The following PPM1L variants were observed in gnomAD, a reference collection of about 807,000 sequenced individuals.
PPM1L encodes protein phosphatase 1L.
PPM1L carries 13 observed loss-of-function variants against 31.4 expected under a neutral mutation model. The ratio of observed to expected loss-of-function variants is 0.41; its 90% CI spans 0.27 to 0.66. PPM1L has a LOEUF of 0.66. Among genes scored for constraint, PPM1L ranks in the 30% least tolerant of loss-of-function variants. PPM1L has a pLI of 0.29. For synonymous variants in PPM1L, 184 were observed against 175.4 expected (o/e 1.05, Z -0.39); for missense variants, 326 against 453.7 (o/e 0.72, Z 2.56).
At chr3:160,884,873 C>G (rs1712854550) in intron 1 of PPM1L, among the ~76,000 whole-genome samples, 1 of 152,144 alleles carries the variant, frequency 6.6e-6, no homozygotes. Context: ...GTGTTAGTCC[C>G]ATGGAGGGAG....
chr3:160,938,401 G>A (rs1219609342), intron 1 of PPM1L, among the ~76,000 whole-genome samples: 1 of 152,130 alleles, frequency 6.6e-6, no homozygotes, highest in Non-Finnish European at 1.5e-5. Context: ...TAGGTTTATG[G>A]AGTTTAACCT....
At chr3:160,916,815 C>T (rs1241552753) in intron 1 of PPM1L, among the ~76,000 whole-genome samples, 1 of 151,946 alleles carries the variant, frequency 6.6e-6, no homozygotes, top group Non-Finnish European at 1.5e-5. Context: ...TGATTAAGTC[C>T]ATGGAGCTTA....
intron 1 of PPM1L, among the ~76,000 whole-genome samples, chr3:160,834,826 C>A (rs763186694): frequency 2.0e-5 from 3 of 152,048 alleles, no homozygotes; most frequent in Non-Finnish European, 4.4e-5. Context: ...TTTAACCATT[C>A]ACCTATTGAG....
At chr3:160,954,536 G>C (rs1354109274) in intron 1 of PPM1L, among the ~76,000 whole-genome samples, 1 of 151,730 alleles carries the variant, frequency 6.6e-6, no homozygotes, top group East Asian at 1.9e-4. Context: ...CTGTTTTTTT[G>C]TATTTTTAGT....
chr3:160,778,007 T>C (rs1711609861), intron 1 of PPM1L, among the ~76,000 whole-genome samples: 1 of 152,206 alleles, frequency 6.6e-6, no homozygotes, highest in Non-Finnish European at 1.5e-5. Flanking sequence ...GTTCAGTTTC[T>C]CAACATCCTT....
At chr3:160,808,392 T>TGTGTGTGTGTGTGTGCGCGCGCGC (rs1470394160) in intron 1 of PPM1L, among the ~76,000 whole-genome samples, 7 of 147,826 alleles carry the variant, frequency 4.7e-5, no homozygotes, top group East Asian at 2.0e-4. Context: ...CCTGTGTGTG[T>TGTGTGTGTGTGTGTGCGCGCGCGC]GTGTGTGTGT....
In PPM1L at chr3:161,044,346, GTATTTATT is replaced by G. The variant is rs66461506; in HGVS notation, c.575-21023_575-21016del. Among the ~76,000 whole-genome samples the G allele has an allele frequency of 6.5e-3, 927 of 143,320 alleles. 8 individuals carry two copies. Among genetic ancestry groups the G allele is most frequent in the East Asian group, 0.023 (110 of 4,874 alleles). 94.0% of individuals were successfully genotyped at this position (143,320 alleles called of 152,430 possible). The stretch of plus-strand genomic sequence containing the variant: ...TGAGCCACTGCACCTGGCCTGCCCT[GTATTTATT>G]TATTTATTTATTTATTTATTTATTT... On this transcript the variant is annotated intron_variant, in intron 2 of 3. Transcript: ENST00000498165.
chr3:160,952,281 G>A (rs1394961857), intron 1 of PPM1L, among the ~76,000 whole-genome samples: 1 of 152,228 alleles, frequency 6.6e-6, no homozygotes, highest in African/African-American at 2.4e-5. Context: ...CCGTAAGAAA[G>A]ATGGATTCCA....
intron 1 of PPM1L, among the ~76,000 whole-genome samples, chr3:160,872,743 A>G (rs1480535704): frequency 3.3e-5 from 5 of 151,940 alleles, no homozygotes; most frequent in Admixed American, 3.3e-4. Context: ...TGGCCAACAT[A>G]GTGAAACCCT....
intron 2 of PPM1L, among the ~76,000 whole-genome samples, chr3:161,029,450 C>T (rs951166812): frequency 1.3e-5 from 2 of 152,162 alleles, no homozygotes; most frequent in Non-Finnish European, 2.9e-5. Flanking sequence ...ACAAGAATGT[C>T]ATACAATTCC....
rs1713736037 is a variant in PPM1L at position 160,836,922 on chromosome 3, C to T, written c.399+80215C>T. ...CCTTCCCTTCTTAGAGACATTAGCT[C>T]CACTGGAGGAAAAAGGCACAAATGC... On this transcript the variant is annotated intron_variant, in intron 1 of 3. Coordinates refer to ENST00000498165, the MANE Select transcript of PPM1L (RefSeq NM_139245.4). Among the ~76,000 whole-genome samples the T allele has an allele frequency of 2.0e-5, 3 of 152,240 alleles. No homozygotes were observed. In the South Asian group the frequency reaches 6.2e-4, roughly 32 times the overall value.
intron 1 of PPM1L, among the ~76,000 whole-genome samples, chr3:160,803,893 G>A (rs977611781): frequency 6.6e-6 from 1 of 152,058 alleles, no homozygotes; most frequent in Non-Finnish European, 1.5e-5. Context: ...ACTTAGCATA[G>A]AGATTATTAA....
At chr3:161,006,363 G>A (rs1717704079) in intron 2 of PPM1L, among the ~76,000 whole-genome samples, 1 of 152,094 alleles carries the variant, frequency 6.6e-6, no homozygotes, top group Admixed American at 6.5e-5. Context: ...AGGGGGAATA[G>A]GCAGTTGTTG....
intron 1 of PPM1L, among the ~76,000 whole-genome samples, chr3:160,920,656 CACACACACACAT>C (rs1293232648): frequency 6.6e-5 from 10 of 150,864 alleles, no homozygotes; most frequent in East Asian, 2.0e-4. Context: ...CACACACACA[CACACACACACAT>C]ATTAAAGATC....
intron 1 of PPM1L, among the ~76,000 whole-genome samples, chr3:160,831,585 A>G (rs1576659345): frequency 6.6e-6 from 1 of 152,114 alleles, no homozygotes; most frequent in East Asian, 1.9e-4. Context: ...CCCTCATGGG[A>G]GCTAATTAGA....
In PPM1L at chr3:161,078,052, C is replaced by CTGA. The variant is rs1421596011; in HGVS notation, c.*8897_*8899dup. ...GTAAATGGTTAGAGACGGTAAAGAT[C>CTGA]TGATTGTGATCAAAAGTAGGGTTTT... is the stretch of plus-strand genomic sequence containing the variant. On this transcript the variant is annotated 3_prime_UTR_variant, in exon 4 of 4. Transcript: ENST00000498165. The CTGA allele has an allele frequency of 2.0e-5, 3 of 152,130 alleles. No homozygotes were observed. Among genetic ancestry groups the CTGA allele is most frequent in the Non-Finnish European group, 2.9e-5 (2 of 68,016 alleles). 9.4% of individuals were successfully genotyped at this position (152,130 alleles called of 1,614,324 possible).
chr3:160,970,445 A>ATTTTTTTTTTTTTTTTTTTTTT (rs1491444648), intron 2 of PPM1L, among the ~76,000 whole-genome samples: 1 of 33,462 alleles, frequency 3.0e-5, no homozygotes, highest in Non-Finnish European at 1.3e-4. Flanking sequence ...ACCAAGCTGA[A>ATTTTTTTTTTTTTTTTTTTTTT]TATTTTTTTT....
intron 1 of PPM1L, among the ~76,000 whole-genome samples, chr3:160,945,046 A>ATATATAACTATATATAACATG (rs1559897656): frequency 1.8e-4 from 2 of 10,890 alleles, no homozygotes; most frequent in African/African-American, 4.4e-4. Context: ...TAACATATAT[A>ATATATAACTATATATAACATG]TTATATATAA....
At chr3:160,959,672 A>G (rs1412751770) in intron 1 of PPM1L, among the ~76,000 whole-genome samples, 1 of 151,974 alleles carries the variant, frequency 6.6e-6, no homozygotes, top group African/African-American at 2.4e-5. Context: ...TCTACTAATA[A>G]TACAAAAAAA....
Sources: allele counts gnomAD v4.1 joint callset (sites outside exome capture counted in the v4.1 genomes callset), GRCh38; gene constraint gnomAD v4.1.1; transcripts MANE v1.5; gene names NCBI Gene and HGNC (gene_info 2026-07-23, HGNC 2026-07-21).